The following KCNQ1 variants were observed in gnomAD, a reference collection of about 807,000 sequenced individuals.
KCNQ1 encodes potassium voltage-gated channel subfamily Q member 1.
KCNQ1 carries 49 observed loss-of-function variants against 72.4 expected under a neutral mutation model. The ratio of observed to expected loss-of-function variants is 0.68; its 90% CI spans 0.54 to 0.86. The LOEUF (loss-of-function observed/expected upper bound fraction) is 0.86, where lower values mean the gene tolerates loss of function less well. KCNQ1 is among the 40% of genes least tolerant of loss of function. The probability of loss-of-function intolerance (pLI) is 0.00; values close to 1 mark genes in which losing one functional copy is unlikely to be tolerated. For synonymous variants in KCNQ1, 450 were observed against 412.6 expected, an observed-to-expected ratio of 1.09 and a Z score of -1.10; for missense variants, 790 against 945.1, an observed-to-expected ratio of 0.84 and a Z score of 2.15.
At chr11:2,737,751 T>C (rs1448623552) in intron 11 of KCNQ1, among the ~76,000 whole-genome samples, 1 of 152,126 alleles carries the variant, frequency 6.6e-6, no homozygotes, top group East Asian at 1.9e-4. Context: ...ATTAATGCCA[T>C]GTCCACCTCG....
Position 2,789,187 on chromosome 11 carries a change from A to T in KCNQ1, c.1794+11150A>T, listed in dbSNP as rs139147900. Among the ~76,000 whole-genome samples the T allele has an allele frequency of 3.5e-3, 532 of 152,150 alleles. 3 individuals are homozygous for T. The highest frequency in any genetic ancestry group is 0.012 in the African/African-American group (508 of 41,496). On this transcript the variant is annotated intron_variant, in intron 15 of 15. Coordinates refer to ENST00000155840, the MANE Select transcript of KCNQ1 (RefSeq NM_000218.3). Reference sequence around the variant, plus strand: ...CCCACCAGTGGCCAGGGGAATGCACACCCCTAAAGTCAAAATGTAAGGAAA... The same window carrying T: ...CCCACCAGTGGCCAGGGGAATGCACTCCCCTAAAGTCAAAATGTAAGGAAA...
At position 2,759,067 on chromosome 11, in the gene KCNQ1, C is replaced by G. The variant is rs189383080; in HGVS notation, c.1515-9777C>G. On this transcript the variant is annotated intron_variant, in intron 11 of 15. Transcript: ENST00000155840. The surrounding 1 kb of genome is among the most constrained non-coding windows in gnomAD (Gnocchi z 4.4). ...GTTACTCCACCCATGCAAGGTGTGA[C>G]CGTCGCGAACTCACGTAGAGGGCAT... Among the ~76,000 whole-genome samples the G allele has an allele frequency of 1.3e-5, 2 of 152,034 alleles. No homozygotes were observed. Among genetic ancestry groups the G allele is most frequent in the East Asian group, 1.9e-4 (1 of 5,176 alleles).
At chr11:2,570,582 C>T in intron 2 of KCNQ1, 46 bp from the exon 3 acceptor site, 2 of 1,607,570 alleles carry the variant, frequency 1.2e-6, no homozygotes, top group Non-Finnish European at 1.7e-6. Flanking sequence ...TGAAGCCACT[C>T]AAGGCCGAGC....
chr11:2,615,809 T>C (rs766538623), intron 10 of KCNQ1: 1 of 398,010 alleles, frequency 2.5e-6, no homozygotes, highest in Non-Finnish European at 4.4e-6. Context: ...ATAAAAGATT[T>C]TAGTATCTAG....
At position 2,652,004 on chromosome 11, in the gene KCNQ1, A is replaced by C; in HGVS notation, c.1394-9957A>C. ...TACTTTTGACATCAGTTGTTAACAT[A>C]ATTTTGATGTTGAGCCTCCCCCCAG... On this transcript the variant is annotated intron_variant, in intron 10 of 15. Transcript: ENST00000155840. This position sits in a 1 kb window ranked among gnomAD's most constrained non-coding sequence, Gnocchi z 5.9. 1 of 398,662 alleles carries C rather than the reference A, an allele frequency of 2.5e-6. No homozygotes were observed. The highest frequency in any genetic ancestry group is 4.4e-6 in the Non-Finnish European group (1 of 226,092). The allele number at this position is 398,662 out of a possible 1,614,324, so 24.7% of individuals were successfully genotyped here.
chr11:2,804,049 C>T (rs2074197), intron 15 of KCNQ1, among the ~76,000 whole-genome samples: 14,317 of 152,178 alleles, frequency 0.094, 1,240 homozygotes, highest in East Asian at 0.39. Context: ...GTGAACCACA[C>T]GGGGAGGAGC....
intron 15 of KCNQ1, among the ~76,000 whole-genome samples, chr11:2,806,732 G>A (rs954019296): frequency 2.6e-5 from 4 of 152,202 alleles, no homozygotes; most frequent in Admixed American, 2.6e-4. Context: ...CACTGCCCGG[G>A]AGTACGTTCG....
At chr11:2,527,055 T>C (rs2133647648) in intron 1 of KCNQ1, among the ~76,000 whole-genome samples, 1 of 152,262 alleles carries the variant, frequency 6.6e-6, no homozygotes, top group East Asian at 1.9e-4. Context: ...GAGGGTACGT[T>C]TGCAGTGGCA....
At chr11:2,692,258 G>A (rs1850600598) in intron 11 of KCNQ1, 1 of 398,828 alleles carries the variant, frequency 2.5e-6, no homozygotes, top group Non-Finnish European at 4.4e-6. Context: ...ACCAAGCCAG[G>A]CTTACTTCAC....
At chr11:2,775,841 T>A (rs1258295064) in intron 12 of KCNQ1, 119 bp from the exon 13 acceptor site, 1 of 940,978 alleles carries the variant, frequency 1.1e-6, no homozygotes, top group African/African-American at 1.6e-5. Context: ...CATCACCACA[T>A]AGGCGAGCTC....
intron 10 of KCNQ1, chr11:2,650,683 A>T (rs112697133): frequency 2.5e-6 from 1 of 398,622 alleles, no homozygotes; most frequent in Non-Finnish European, 4.4e-6. Context: ...CTCTTCTCTG[A>T]TTCTGTATGC....
intron 10 of KCNQ1, chr11:2,633,913 A>C (rs1390779791): frequency 2.5e-6 from 1 of 398,616 alleles, no homozygotes; most frequent in Non-Finnish European, 4.4e-6. Flanking sequence ...TGAATATTGC[A>C]TTCTATCCTT....
rs12280123 is a variant in KCNQ1, at chr11:2,564,771, T to C, written c.478-5857T>C. Among the ~76,000 whole-genome samples the C allele has an allele frequency of 0.057, 8,609 of 152,224 alleles. 684 individuals are homozygous for C. The highest frequency in any genetic ancestry group is 0.18 in the African/African-American group (7,371 of 41,510). On this transcript the variant is annotated intron_variant, in intron 2 of 15. Coordinates refer to ENST00000155840, the MANE Select transcript of KCNQ1 (RefSeq NM_000218.3). The surrounding 1 kb of genome is among the most constrained non-coding windows in gnomAD (Gnocchi z 4.5). ...CCCCTTCCCCAGCCCCTGGCGCCCATCATCTACTTTCTACCTCTGTGAATC... is the reference window on the plus strand; with the variant it reads ...CCCCTTCCCCAGCCCCTGGCGCCCACCATCTACTTTCTACCTCTGTGAATC...
At chr11:2,513,584 C>T (rs1042942739) in intron 1 of KCNQ1, among the ~76,000 whole-genome samples, 2 of 152,214 alleles carry the variant, frequency 1.3e-5, no homozygotes, top group African/African-American at 4.8e-5. Flanking sequence ...ACCAGTCCAC[C>T]ATGCTGGGGC....
rs939504560 is a variant in KCNQ1 at position 2,674,275 on chromosome 11, C to G, written c.1514+12194C>G. On this transcript the variant is annotated intron_variant, in intron 11 of 15. Transcript: ENST00000155840. The surrounding 1 kb of genome is among the most constrained non-coding windows in gnomAD (Gnocchi z 5.9). Reference sequence around the variant, plus strand: ...CCTCTCTCCCAGCCCCCGGCACACACACTAGGACCTTTCTTCATCATGCAG... The same window carrying G: ...CCTCTCTCCCAGCCCCCGGCACACAGACTAGGACCTTTCTTCATCATGCAG... 1 of 398,566 alleles carries G rather than the reference C, an allele frequency of 2.5e-6. No individual in the cohort carries two copies. The highest frequency in any genetic ancestry group is 3.6e-5 in the East Asian group (1 of 28,080). The allele number at this position is 398,566 out of a possible 1,614,324, so 24.7% of individuals were successfully genotyped here. A position where few individuals can be genotyped will look rare whatever the true frequency, so the allele number is the denominator to read the frequency against.
chr11:2,526,790 G>A lies in KCNQ1; in HGVS notation c.387-1138G>A, dbSNP rs538785103. ...CAGGGGGCCTTCTGGCTGTCCTGGG[G>A]TGGGTTAGAAGCCACTCAGGATGGC... On this transcript the variant is annotated intron_variant, in intron 1 of 15. Transcript: ENST00000155840. This position sits in a 1 kb window ranked among gnomAD's most constrained non-coding sequence, Gnocchi z 6.1. 7.8e-4 allele frequency among the ~76,000 whole-genome samples: 118 copies of A among 152,210 alleles called. 1 individual carries two copies. In the Middle Eastern group the frequency reaches 0.01, roughly 13 times the overall value.
intron 15 of KCNQ1, among the ~76,000 whole-genome samples, chr11:2,795,413 A>C (rs1408255468): frequency 1.3e-5 from 2 of 152,226 alleles, no homozygotes; most frequent in African/African-American, 4.8e-5. Flanking sequence ...TTCTGGAGCA[A>C]AAAGAGCCTG....
chr11:2,583,885 A>G (rs1848543569), intron 7 of KCNQ1, among the ~76,000 whole-genome samples: 1 of 151,778 alleles, frequency 6.6e-6, no homozygotes, highest in Non-Finnish European at 1.5e-5. Flanking sequence ...GTGCCTGGAG[A>G]GGGCACTTCC....
chr11:2,528,116 C>A, intron 2 of KCNQ1, 98 bp downstream of exon 2: 1 of 1,030,664 alleles, frequency 9.7e-7, no homozygotes, highest in Non-Finnish European at 1.5e-6. Context: ...CAGAGCCACT[C>A]CCAGCCCCTT....
Sources: allele counts gnomAD v4.1 joint callset (sites outside exome capture counted in the v4.1 genomes callset), GRCh38; gene constraint gnomAD v4.1.1; non-coding constraint Gnocchi (gnomAD v3.1); transcripts MANE v1.5; gene names NCBI Gene and HGNC (gene_info 2026-07-23, HGNC 2026-07-21).